The following LIN54 variants were observed in gnomAD, a reference collection of about 807,000 sequenced individuals.
LIN54 encodes the protein protein lin-54 homolog.
In LIN54, 9 loss-of-function variants were observed where a neutral mutation model predicts 78.7. The observed-to-expected ratio is 0.11, with a 90% CI of 0.07 to 0.20. The LOEUF is 0.20. Ranked by LOEUF, LIN54 falls within the 10% of genes least tolerant of loss-of-function variation. The pLI, the probability that LIN54 is intolerant of heterozygous loss-of-function variation, is 1.00. For missense variants in LIN54, 573 were observed against 889.9 expected (o/e 0.64, Z 4.53); for synonymous variants, 269 against 318.4 (o/e 0.84, Z 1.65).
chr4:82,991,182 T>C (rs928688381), intron 1 of LIN54, among the ~76,000 whole-genome samples: 1 of 149,022 alleles, frequency 6.7e-6, no homozygotes. Flanking sequence ...AAAAGACCCA[T>C]GGAAAATTGT....
chr4:82,957,074 T>C (rs534876200), intron 4 of LIN54, among the ~76,000 whole-genome samples: 1 of 152,350 alleles, frequency 6.6e-6, no homozygotes, highest in African/African-American at 2.4e-5. Context: ...GGTCAATATA[T>C]TGGGAAAATG....
chr4:82,997,044 C>T (rs1174565122), intron 1 of LIN54, among the ~76,000 whole-genome samples: 1 of 152,014 alleles, frequency 6.6e-6, no homozygotes, highest in Non-Finnish European at 1.5e-5. Context: ...CTTTAGAATG[C>T]AAAGCCACAC....
intron 1 of LIN54, among the ~76,000 whole-genome samples, chr4:82,990,540 G>A (rs1727589546): frequency 6.6e-6 from 1 of 151,852 alleles, no homozygotes; most frequent in Admixed American, 6.6e-5. Flanking sequence ...TTGGAGTGCA[G>A]TGGCGCGATC....
intron 11 of LIN54, among the ~76,000 whole-genome samples, chr4:82,933,198 C>T (rs1243425681): frequency 6.6e-6 from 1 of 151,020 alleles, no homozygotes; most frequent in Non-Finnish European, 1.5e-5. Context: ...TTCCTGACCT[C>T]AGAGTGGGGA....
chr4:83,004,743 G>A (rs186055137), intron 1 of LIN54, among the ~76,000 whole-genome samples: 26 of 152,060 alleles, frequency 1.7e-4, no homozygotes, highest in African/African-American at 4.6e-4. Flanking sequence ...AAGCTATCCT[G>A]CCACCTTGGC....
At chr4:82,957,307 C>T (rs775213011) in intron 4 of LIN54, among the ~76,000 whole-genome samples, 2 of 152,218 alleles carry the variant, frequency 1.3e-5, no homozygotes, top group Non-Finnish European at 2.9e-5. Flanking sequence ...GCCCACCACA[C>T]AATTTCTGAC....
chr4:82,977,140 TCTC>T (rs1251437953), intron 3 of LIN54, among the ~76,000 whole-genome samples: 1 of 152,002 alleles, frequency 6.6e-6, no homozygotes, highest in Non-Finnish European at 1.5e-5. Flanking sequence ...ACCCATACCT[TCTC>T]CTTCCCATTA....
chr4:82,943,432 T>C (rs1723102823), intron 5 of LIN54, among the ~76,000 whole-genome samples: 1 of 152,204 alleles, frequency 6.6e-6, no homozygotes, highest in Non-Finnish European at 1.5e-5. Context: ...ATAAGCCCCT[T>C]TGGCATTTAA....
intron 1 of LIN54, among the ~76,000 whole-genome samples, chr4:82,998,770 G>C (rs747291503): frequency 6.6e-6 from 1 of 151,648 alleles, no homozygotes; most frequent in Non-Finnish European, 1.5e-5. Context: ...AAAACTCACT[G>C]ATGAACCATG....
intron 4 of LIN54, 48 bp from the exon 5 acceptor site, chr4:82,946,522 CCTA>C: frequency 7.0e-7 from 1 of 1,419,158 alleles, no homozygotes; most frequent in East Asian, 2.3e-5. Context: ...ATGTAACTTT[CCTA>C]CTATTTTTAA....
At chr4:82,939,295 C>T (rs934592305) in intron 7 of LIN54, among the ~76,000 whole-genome samples, 9 of 152,218 alleles carry the variant, frequency 5.9e-5, no homozygotes, top group Non-Finnish European at 7.3e-5. Flanking sequence ...CACAGGCTTG[C>T]GCTCCTGCCA....
intron 3 of LIN54, among the ~76,000 whole-genome samples, chr4:82,972,485 C>T (rs948015119): frequency 3.3e-5 from 5 of 152,030 alleles, no homozygotes; most frequent in African/African-American, 7.3e-5. Flanking sequence ...TTTAGAGAGC[C>T]GCCCTAAAGT....
chr4:82,969,092 T>C (rs1725445217), intron 4 of LIN54, among the ~76,000 whole-genome samples: 1 of 152,152 alleles, frequency 6.6e-6, no homozygotes, highest in Non-Finnish European at 1.5e-5. Flanking sequence ...CATCTAACCT[T>C]AGCACCCTCG....
At chr4:83,004,675 T>C (rs564101584) in intron 1 of LIN54, among the ~76,000 whole-genome samples, 7 of 145,704 alleles carry the variant, frequency 4.8e-5, no homozygotes, top group African/African-American at 9.7e-5. Context: ...TTCTTTGTAT[T>C]TGTTGTAGAG....
intron 1 of LIN54, among the ~76,000 whole-genome samples, chr4:82,999,303 G>A (rs1286656617): frequency 6.6e-6 from 1 of 152,174 alleles, no homozygotes; most frequent in Non-Finnish European, 1.5e-5. Flanking sequence ...GATAAGTACT[G>A]TACATTGAGG....
Position 83,010,561 on chromosome 4 carries a change from G to T in LIN54, c.-110C>A, listed in dbSNP as rs1729787301. On this transcript the variant is annotated 5_prime_UTR_variant, in exon 1 of 13. Coordinates refer to ENST00000340417, the MANE Select transcript of LIN54 (RefSeq NM_194282.4). ...AAGGTCCTGGGCAATCCCGAGCCCC[G>T]GCGGGGCTTGTTTTGCCCGTGCACG... The T allele has an allele frequency of 8.2e-7, 1 of 1,213,798 alleles. No homozygotes were observed. Among genetic ancestry groups the T allele is most frequent in the Non-Finnish European group, 1.0e-6 (1 of 976,816 alleles). The allele number at this position is 1,213,798 out of a possible 1,614,324, so 75.2% of individuals were successfully genotyped here.
rs1023436611 is a variant in LIN54, at chr4:82,991,155, A to G, written c.-32-6279T>C. Reference sequence around the variant, plus strand: ...ACACAGTGACAGCCTGTCTCTTAAGAAAAAAAAAAAAAAAAAAAAAGACCC... The same window carrying G: ...ACACAGTGACAGCCTGTCTCTTAAGGAAAAAAAAAAAAAAAAAAAAGACCC... On this transcript the variant is annotated intron_variant, in intron 1 of 12. Transcript: ENST00000340417. Among the ~76,000 whole-genome samples the G allele has an allele frequency of 8.4e-4, 4 of 4,770 alleles. No individual in the cohort carries two copies. The Non-Finnish European group carries it at 0.014, about 17-fold the overall frequency. The allele number at this position is 4,770 out of a possible 152,430, so 3.1% of individuals were successfully genotyped here. A position where few individuals can be genotyped will look rare whatever the true frequency, so the allele number is the denominator to read the frequency against.
intron 1 of LIN54, among the ~76,000 whole-genome samples, chr4:82,992,747 G>C (rs183421453): frequency 6.6e-6 from 1 of 151,890 alleles, no homozygotes; most frequent in Admixed American, 6.6e-5. Context: ...AGGTGTCCCC[G>C]GCCAGGCGTG....
Position 82,937,304 on chromosome 4 carries a change from C to A in LIN54, c.1533-6G>T. 1 of 1,549,392 alleles carries A rather than the reference C, an allele frequency of 6.5e-7. No homozygotes were observed. The highest frequency in any genetic ancestry group is 8.8e-7 in the Non-Finnish European group (1 of 1,141,100). ...CCGACTCTGATGGGATTATGCTGTACAGATAGAAAAAAAGATATACATTTA... is the reference window on the plus strand; with the variant it reads ...CCGACTCTGATGGGATTATGCTGTAAAGATAGAAAAAAAGATATACATTTA... On this transcript the variant is annotated splice_region_variant and splice_polypyrimidine_tract_variant and intron_variant, in intron 8 of 12. Transcript: ENST00000340417.
Sources: gnomAD v4.1 joint callset for allele counts (sites outside exome capture counted in the v4.1 genomes callset) on GRCh38, gnomAD v4.1.1 for gene constraint, MANE v1.5 for transcripts, NCBI Gene and HGNC (gene_info 2026-07-23, HGNC 2026-07-21) for gene names.